The following ACADSB variants were observed in gnomAD, a reference collection of about 807,000 sequenced individuals.
ACADSB encodes the protein acyl-CoA dehydrogenase short/branched chain.
In ACADSB, 40 loss-of-function variants were observed where a neutral mutation model predicts 54.1. The observed-to-expected ratio is 0.74, with a 90% CI of 0.57 to 0.96. ACADSB has a LOEUF of 0.96. Ranked by LOEUF, ACADSB falls within the 40% of genes least tolerant of loss-of-function variation. ACADSB has a pLI of 0.00. For synonymous variants in ACADSB, 182 were observed against 182.8 expected, an observed-to-expected ratio of 1.00 and a Z score of 0.03; for missense variants, 530 against 510.4, an observed-to-expected ratio of 1.04 and a Z score of -0.37.
At chr10:123,013,599 G>A (rs1017669289) in intron 1 of ACADSB, among the ~76,000 whole-genome samples, 4 of 152,252 alleles carry the variant, frequency 2.6e-5, no homozygotes, top group South Asian at 2.1e-4. Flanking sequence ...GCCCACTGGC[G>A]GTGGCGGGGA....
At position 123,037,844 on chromosome 10, in the gene ACADSB, A is replaced by AG. The variant is rs1387766347; in HGVS notation, c.303+1dup. 6.4e-7 allele frequency: 1 copy of AG among 1,566,762 alleles called. No homozygotes were observed. Among genetic ancestry groups the AG allele is most frequent in the Admixed American group, 1.7e-5 (1 of 59,938 alleles). ...CAGTAATACAAGGATTATTTCAACA[A>AG]GGGGTACATTTCATAATTCTTCCAC... On this transcript the variant is annotated frameshift_variant, in exon 3 of 11. Transcript: ENST00000358776. LOFTEE classifies it high-confidence loss of function.
intron 1 of ACADSB, among the ~76,000 whole-genome samples, chr10:123,020,094 T>C (rs1185217248): frequency 6.6e-6 from 1 of 152,202 alleles, no homozygotes; most frequent in Non-Finnish European, 1.5e-5. Context: ...GTTTATTTCC[T>C]ATGCATAATG....
At chr10:123,027,883 C>T (rs1470121482) in intron 1 of ACADSB, among the ~76,000 whole-genome samples, 1 of 152,158 alleles carries the variant, frequency 6.6e-6, no homozygotes, top group African/African-American at 2.4e-5. Context: ...GAGGTGTGAT[C>T]TGATTTGATC....
Position 123,045,751 on chromosome 10 carries a change from C to A in ACADSB, c.900+1266C>A, listed in dbSNP as rs528294341. 2.0e-5 allele frequency among the ~76,000 whole-genome samples: 3 copies of A among 152,194 alleles called. No individual in the cohort carries two copies. In the East Asian group the frequency reaches 5.8e-4, roughly 29 times the overall value. On this transcript the variant is annotated intron_variant, in intron 7 of 10. Coordinates refer to ENST00000358776, the MANE Select transcript of ACADSB (RefSeq NM_001609.4). ...AACTTAGACATGACATTAGAAACTG[C>A]AATACTAGAGCTCATTTTTTTCAGA...
In ACADSB at chr10:123,053,708, A is replaced by G; in HGVS notation, c.1242A>G (p.Glu414=). The G allele has an allele frequency of 6.2e-7, 1 of 1,613,974 alleles. No homozygotes were observed. The highest frequency in any genetic ancestry group is 8.5e-7 in the Non-Finnish European group (1 of 1,179,824). Reference sequence around the variant, plus strand: ...CTTTTGCTTAAGGTACGATATATGAAGGAGCTTCCAACATCCAGTTGAACA... The same window carrying G: ...CTTTTGCTTAAGGTACGATATATGAGGGAGCTTCCAACATCCAGTTGAACA... ...FRDAKIGTIY[E]GASNIQLNTI... is the part of the protein sequence containing the mutation. The change falls in exon 11 of 11, where the codon GAA becomes GAG. Residue 414 remains glutamate (E), a synonymous_variant. Coordinates refer to ENST00000358776, the MANE Select transcript of ACADSB (RefSeq NM_001609.4).
intron 1 of ACADSB, among the ~76,000 whole-genome samples, chr10:123,014,234 G>T (rs187325474): frequency 6.6e-6 from 1 of 152,220 alleles, no homozygotes; most frequent in East Asian, 1.9e-4. Context: ...CTTAACCTGA[G>T]AACTTGGAAC....
intron 7 of ACADSB, among the ~76,000 whole-genome samples, chr10:123,046,827 A>G (rs1011027595): frequency 3.3e-5 from 5 of 152,204 alleles, no homozygotes; most frequent in Admixed American, 3.3e-4. Context: ...CTTCCTCTAT[A>G]GCCTTCAAGG....
At chr10:123,019,025 GT>G (rs1379355940) in intron 1 of ACADSB, among the ~76,000 whole-genome samples, 1 of 152,104 alleles carries the variant, frequency 6.6e-6, no homozygotes, top group Non-Finnish European at 1.5e-5. Flanking sequence ...ATAGTGTTAA[GT>G]ATTTTTTCAT....
intron 3 of ACADSB, 85 bp downstream of exon 3, chr10:123,037,932 C>T: frequency 2.0e-6 from 2 of 989,376 alleles, no homozygotes; most frequent in South Asian, 1.4e-5. Context: ...CTGCATTTCC[C>T]AGTCAAAATT....
Position 123,040,648 on chromosome 10 carries a change from T to C in ACADSB, c.486T>C (p.Tyr162=), listed in dbSNP as rs1564751485. 6.2e-7 allele frequency: 1 copy of C among 1,613,912 alleles called. No homozygotes were observed. The highest frequency in any genetic ancestry group is 8.5e-7 in the Non-Finnish European group (1 of 1,179,816). The change falls in exon 4 of 11, where the codon TAT becomes TAC. Residue 162 remains tyrosine, a synonymous_variant. Transcript: ENST00000358776. The part of the protein sequence containing the change: ...KHGTEEQKAT[Y]LPQLTTEKVG... ...GAACAGAAGAACAAAAGGCCACCTATTTGCCTCAGCTCACTACAGAAAAAG... is the reference window on the plus strand; with the variant it reads ...GAACAGAAGAACAAAAGGCCACCTACTTGCCTCAGCTCACTACAGAAAAAG...
At chr10:123,043,207 C>A (rs765541724) in intron 6 of ACADSB, 36 bp downstream of exon 6, 1 of 1,610,076 alleles carries the variant, frequency 6.2e-7, no homozygotes, top group African/African-American at 1.3e-5. Context: ...AAGACTGATG[C>A]GAAATAAGCC....
At chr10:123,041,513 C>T in intron 5 of ACADSB, 134 bp downstream of exon 5, 1 of 878,598 alleles carries the variant, frequency 1.1e-6, no homozygotes, top group Non-Finnish European at 1.8e-6. Context: ...AAATGTCAGA[C>T]TTGAGCTGGC....
chr10:123,041,193 T>C lies in ACADSB; in HGVS notation c.511-16T>C. 1.2e-6 allele frequency: 2 copies of C among 1,613,924 alleles called. No individual in the cohort carries two copies. Among genetic ancestry groups the C allele is most frequent in the Non-Finnish European group, 8.5e-7 (1 of 1,179,804 alleles). On this transcript the variant is annotated splice_polypyrimidine_tract_variant and intron_variant, in intron 4 of 10. Coordinates refer to ENST00000358776, the MANE Select transcript of ACADSB (RefSeq NM_001609.4). Reference sequence around the variant, plus strand: ...ATACAGTTATTAATTTGGACATTTTTTTCTCCCATATGTAGGTAGGAAGTT... The same window carrying C: ...ATACAGTTATTAATTTGGACATTTTCTTCTCCCATATGTAGGTAGGAAGTT...
rs761098384 is a variant in ACADSB at position 123,043,097 on chromosome 10, C to T, written c.733C>T (p.His245Tyr). The change falls in exon 6 of 11, where the codon CAT (histidine) becomes TAT (tyrosine). Residue 245 changes from histidine (H) to tyrosine (Y), a missense_variant. His to Tyr is a moderately conservative substitution (Grantham distance 83, BLOSUM62 2). Coordinates refer to ENST00000358776, the MANE Select transcript of ACADSB (RefSeq NM_001609.4). ...FLVDRDTPGL[H>Y]IGKPENKLGL... ...AGTAGATCGTGATACTCCGGGCCTT[C>T]ATATAGGGAAACCTGAAAACAAATT... is the stretch of plus-strand genomic sequence containing the variant. The T allele has an allele frequency of 1.4e-5, 22 of 1,613,932 alleles. No individual in the cohort carries two copies. In the South Asian group the frequency reaches 2.3e-4, roughly 17 times the overall value.
Position 123,056,375 on chromosome 10 carries a change from TC to T in ACADSB, c.*2611del. On this transcript the variant is annotated 3_prime_UTR_variant, in exon 11 of 11. Coordinates refer to ENST00000358776, the MANE Select transcript of ACADSB (RefSeq NM_001609.4). ...AAAGTGGAAACCCCTGATAAACCCA[TC>T]AGATCTCATGAGACTTACTATCATG... The T allele has an allele frequency of 4.5e-6, 1 of 222,018 alleles. No individual in the cohort carries two copies. Among genetic ancestry groups the T allele is most frequent in the Non-Finnish European group, 8.9e-6 (1 of 112,282 alleles). The allele number at this position is 222,018 out of a possible 1,614,324, so 13.8% of individuals were successfully genotyped here.
chr10:123,022,402 C>T (rs768875796), intron 1 of ACADSB, among the ~76,000 whole-genome samples: 4 of 152,250 alleles, frequency 2.6e-5, no homozygotes, highest in Non-Finnish European at 5.9e-5. Context: ...ACAATCTCCA[C>T]TGCCCCTCCC....
In ACADSB at chr10:123,040,627, A is replaced by T. The variant is rs1850459731; in HGVS notation, c.465A>T (p.Thr155=). 1.2e-6 allele frequency: 2 copies of T among 1,614,060 alleles called. No individual in the cohort carries two copies. The highest frequency in any genetic ancestry group is 2.2e-5 in the South Asian group (2 of 91,088). Reference sequence around the variant, plus strand: ...ACACACTGATTAGAAAACATGGAACAGAAGAACAAAAGGCCACCTATTTGC... The same window carrying T: ...ACACACTGATTAGAAAACATGGAACTGAAGAACAAAAGGCCACCTATTTGC... ...LINTLIRKHG[T]EEQKATYLPQ... The change falls in exon 4 of 11, where the codon ACA becomes ACT. Residue 155 remains threonine (T), a synonymous_variant. Transcript: ENST00000358776.
intron 7 of ACADSB, among the ~76,000 whole-genome samples, chr10:123,045,202 G>A (rs1413759758): frequency 2.3e-5 from 1 of 44,256 alleles, no homozygotes; most frequent in Non-Finnish European, 4.1e-5. Context: ...TTTTTGAGAT[G>A]GAGTCTTGCT....
At chr10:123,032,371 A>G (rs1449456447) in intron 1 of ACADSB, among the ~76,000 whole-genome samples, 1 of 152,176 alleles carries the variant, frequency 6.6e-6, no homozygotes, top group Non-Finnish European at 1.5e-5. Flanking sequence ...AGTGAAGTAA[A>G]TAATCTCCCT....
Sources: allele counts gnomAD v4.1 joint callset (sites outside exome capture counted in the v4.1 genomes callset), GRCh38; gene constraint gnomAD v4.1.1; transcripts MANE v1.5; gene names NCBI Gene and HGNC (gene_info 2026-07-23, HGNC 2026-07-21).